ST6GALNAC2: variants seen among roughly 807,000 people sequenced by gnomAD.
ST6GALNAC2 encodes ST6 N-acetylgalactosaminide alpha-2,6-sialyltransferase 2, also known as alpha-N-acetylgalactosaminide alpha-2,6-sialyltransferase 2.
A neutral mutation model predicts 38.7 loss-of-function variants in ST6GALNAC2; 42 were observed. The observed-to-expected ratio is 1.09, with a 90% CI of 0.85 to 1.40. ST6GALNAC2 has a LOEUF of 1.40. Ranked by LOEUF, ST6GALNAC2 falls within the 40% of genes most tolerant of loss-of-function variation. ST6GALNAC2 has a pLI of 0.00. For synonymous variants in ST6GALNAC2, 233 were observed against 209.0 expected, an observed-to-expected ratio of 1.11 and a Z score of -0.99; for missense variants, 506 against 481.7, an observed-to-expected ratio of 1.05 and a Z score of -0.47.
chr17:76,576,687 C>T (rs1041012665), intron 2 of ST6GALNAC2, among the ~76,000 whole-genome samples: 5 of 151,966 alleles, frequency 3.3e-5, no homozygotes, highest in Non-Finnish European at 7.4e-5. Flanking sequence ...AAAAAAAATC[C>T]AGGCCGGGCA....
At chr17:76,571,837 C>T (rs905914750) in intron 5 of ST6GALNAC2, among the ~76,000 whole-genome samples, 14 of 152,278 alleles carry the variant, frequency 9.2e-5, no homozygotes, top group Non-Finnish European at 1.6e-4. Context: ...TTTGAGTTAA[C>T]GGCCTTTGGG....
At chr17:76,570,311 C>T in intron 6 of ST6GALNAC2, 1 of 494,510 alleles carries the variant, frequency 2.0e-6, no homozygotes, top group Non-Finnish European at 3.7e-6. Context: ...GCCTCTCCCA[C>T]CCCCAGCCCA....
In ST6GALNAC2 at chr17:76,585,687, G is replaced by C; in HGVS notation, c.122C>G (p.Ala41Gly). Reference sequence around the variant, plus strand: ...CTCTGCGCTCGGCAGCCCCTACCTGGCTCCGGCCGCTGGCCCCGGGTACCG... The same window carrying C: ...CTCTGCGCTCGGCAGCCCCTACCTGCCTCCGGCCGCTGGCCCCGGGTACCG... ...VQRYPGPAAG[A>G]RDTTSFEAFF... The change falls in exon 1 of 9, where the codon GCC becomes GGC. Residue 41 changes from alanine to glycine, a missense_variant. By Grantham distance (60) the Ala-to-Gly change is moderately conservative. Coordinates refer to ENST00000225276, the MANE Select transcript of ST6GALNAC2 (RefSeq NM_006456.3). The C allele has an allele frequency of 6.6e-7, 1 of 1,525,506 alleles. No homozygotes were observed. Among genetic ancestry groups the C allele is most frequent in the East Asian group, 2.6e-5 (1 of 38,990 alleles). 94.5% of individuals were successfully genotyped at this position (1,525,506 alleles called of 1,614,324 possible). A position where few individuals can be genotyped will look rare whatever the true frequency, so the allele number is the denominator to read the frequency against.
In ST6GALNAC2 at chr17:76,573,226, G is replaced by A. The variant is rs1166016317; in HGVS notation, c.499C>T (p.Pro167Ser). 1.2e-6 allele frequency: 2 copies of A among 1,613,418 alleles called. No individual in the cohort carries two copies. The highest frequency in any genetic ancestry group is 1.7e-6 in the Non-Finnish European group (2 of 1,179,786). ...ACATAGTCATGGGCATCGATGTTGG[G>A]ACCCTGGCGGGACCCATTCAGAATG... The part of the protein sequence containing the change: ...GGILNGSRQG[P>S]NIDAHDYVFR... Residue 167 changes from proline to serine, a missense_variant, in exon 4 of 9, where the codon CCC becomes TCC. By Grantham distance (74) the Pro-to-Ser change is moderately conservative (BLOSUM62 -1). Coordinates refer to ENST00000225276, the MANE Select transcript of ST6GALNAC2 (RefSeq NM_006456.3). The surrounding 1 kb of genome is among the most constrained non-coding windows in gnomAD (Gnocchi z 5.1).
chr17:76,569,531 G>T, intron 6 of ST6GALNAC2: 1 of 378,920 alleles, frequency 2.6e-6, no homozygotes, highest in East Asian at 3.7e-5. Context: ...GAAGAGCCCC[G>T]AGTGGGGGAG....
chr17:76,578,271 G>A (rs2075439817), intron 2 of ST6GALNAC2, among the ~76,000 whole-genome samples: 1 of 152,128 alleles, frequency 6.6e-6, no homozygotes, highest in Non-Finnish European at 1.5e-5. Context: ...GGGTTGCTGC[G>A]AGGCTTCCGT....
chr17:76,567,067 C>G (rs745430786), intron 8 of ST6GALNAC2, among the ~76,000 whole-genome samples: 30 of 152,192 alleles, frequency 2.0e-4, no homozygotes, highest in Non-Finnish European at 2.6e-4. Flanking sequence ...AGGATGTCCC[C>G]ATAAAAGAAT....
chr17:76,582,386 T>TGCCCAGTCTGG (rs71158027), intron 1 of ST6GALNAC2, among the ~76,000 whole-genome samples: 2 of 139,844 alleles, frequency 1.4e-5, no homozygotes, highest in African/African-American at 2.7e-5. Flanking sequence ...TTTGCCATGT[T>TGCCCAGTCTGG]TCAAACTCCT....
At chr17:76,583,265 A>G (rs1361540221) in intron 1 of ST6GALNAC2, among the ~76,000 whole-genome samples, 1 of 150,682 alleles carries the variant, frequency 6.6e-6, no homozygotes, top group Non-Finnish European at 1.5e-5. Context: ...AGACCCAGCT[A>G]CTCGGGAGGC....
intron 1 of ST6GALNAC2, among the ~76,000 whole-genome samples, chr17:76,583,036 T>A (rs2075497997): frequency 6.6e-6 from 1 of 152,152 alleles, no homozygotes; most frequent in Admixed American, 6.5e-5. Flanking sequence ...ATACTTAAAG[T>A]CTATTAGATA....
rs2075320858 is a variant in ST6GALNAC2 at position 76,569,031 on chromosome 17, G to A, written c.774-235C>T. ...GCGGGGTGTAGGAGAGAGAGGAGGG[G>A]GGCATGAACAGACCGGGGGGAGTTG... On this transcript the variant is annotated intron_variant, in intron 6 of 8. Coordinates refer to ENST00000225276, the MANE Select transcript of ST6GALNAC2 (RefSeq NM_006456.3). The A allele has an allele frequency of 6.4e-5, 11 of 172,182 alleles. No homozygotes were observed. The South Asian group carries it at 1.6e-3, about 25-fold the overall frequency. The allele number at this position is 172,182 out of a possible 1,614,324, so 10.7% of individuals were successfully genotyped here.
intron 1 of ST6GALNAC2, among the ~76,000 whole-genome samples, chr17:76,579,826 AGACCCTAT>A (rs1185962457): frequency 6.6e-6 from 1 of 152,216 alleles, no homozygotes; most frequent in Non-Finnish European, 1.5e-5. Context: ...CTCCAGACAC[AGACCCTAT>A]GACCTGGGAC....
intron 5 of ST6GALNAC2, 89 bp downstream of exon 5, chr17:76,572,548 G>A (rs1414536342): frequency 1.3e-5 from 19 of 1,475,760 alleles, no homozygotes; most frequent in Non-Finnish European, 4.7e-6. Flanking sequence ...CTGGACCAGG[G>A]TGTGTGAGCC....
At chr17:76,580,118 T>C (rs1015994546) in intron 1 of ST6GALNAC2, among the ~76,000 whole-genome samples, 1 of 152,104 alleles carries the variant, frequency 6.6e-6, no homozygotes, top group Admixed American at 6.5e-5. Context: ...TGTTAGCACA[T>C]ATAAAAAGTG....
At chr17:76,578,680 C>A in intron 2 of ST6GALNAC2, 76 bp downstream of exon 2, 2 of 1,375,620 alleles carry the variant, frequency 1.5e-6, no homozygotes, top group South Asian at 1.3e-5. Flanking sequence ...TGAGAGTGTT[C>A]TCGTTTGCTC....
Position 76,578,741 on chromosome 17 carries a change from A to T in ST6GALNAC2, c.186+15T>A. 6.2e-7 allele frequency: 1 copy of T among 1,611,108 alleles called. No homozygotes were observed. The highest frequency in any genetic ancestry group is 8.5e-7 in the Non-Finnish European group (1 of 1,178,368). On this transcript the variant is annotated intron_variant, in intron 2 of 8. Transcript: ENST00000225276. ...AGGGTGCTCAAAACTGCCACAGGGTAGTCGACCACTCTACCTTTCCTGTCC... is the reference window on the plus strand; with the variant it reads ...AGGGTGCTCAAAACTGCCACAGGGTTGTCGACCACTCTACCTTTCCTGTCC...
intron 3 of ST6GALNAC2, 76 bp downstream of exon 3, chr17:76,574,289 G>A: frequency 1.3e-6 from 2 of 1,525,392 alleles, no homozygotes; most frequent in Admixed American, 1.8e-5. Context: ...TGAGGGCAGA[G>A]AGGCCTGGCC....
intron 6 of ST6GALNAC2, chr17:76,569,247 G>C (rs1217909985): frequency 8.5e-6 from 3 of 353,424 alleles, no homozygotes; most frequent in African/African-American, 7.2e-5. Flanking sequence ...CATAGGGGGT[G>C]ATATAGGACG....
chr17:76,576,911 A>G (rs2075422479), intron 2 of ST6GALNAC2, among the ~76,000 whole-genome samples: 1 of 150,460 alleles, frequency 6.6e-6, no homozygotes, highest in South Asian at 2.1e-4. Flanking sequence ...CGGAGGTTGC[A>G]GTGAGCCAAG....
Sources: gnomAD v4.1 joint callset for allele counts (sites outside exome capture counted in the v4.1 genomes callset) on GRCh38, gnomAD v4.1.1 for gene constraint, Gnocchi (gnomAD v3.1) non-coding constraint, MANE v1.5 for transcripts, NCBI Gene and HGNC (gene_info 2026-07-23, HGNC 2026-07-21) for gene names.